SLC13A5: variants seen among roughly 807,000 people sequenced by gnomAD.
SLC13A5 encodes solute carrier family 13 member 5, also known as Na(+)/citrate cotransporter.
A neutral mutation model predicts 56.5 loss-of-function variants in SLC13A5; 25 were observed. That is an observed-to-expected ratio of 0.44 (90% confidence interval 0.32 to 0.62). The LOEUF (loss-of-function observed/expected upper bound fraction) is 0.62. SLC13A5 is among the 20% of genes least tolerant of loss of function. SLC13A5 has a pLI of 0.04. For synonymous variants in SLC13A5, 307 were observed against 301.5 expected (o/e 1.02, Z -0.19); for missense variants, 649 against 737.8 (o/e 0.88, Z 1.39).
rs1973199186 is a variant in SLC13A5, at chr17:6,684,929, C to T, written c.*1278G>A. On this transcript the variant is annotated 3_prime_UTR_variant, in exon 12 of 12. Transcript: ENST00000433363. The stretch of plus-strand genomic sequence containing the variant: ...CAGCACAAGAAGGAAATAAAATGGA[C>T]TTGCGGGGGAAAGAAGATGCTTGTC... The T allele has an allele frequency of 6.6e-6, 1 of 152,176 alleles. No individual in the cohort carries two copies. The highest frequency in any genetic ancestry group is 6.5e-5 in the Admixed American group (1 of 15,268). 9.4% of individuals were successfully genotyped at this position (152,176 alleles called of 1,614,324 possible). A position where few individuals can be genotyped will look rare whatever the true frequency, so the allele number is the denominator to read the frequency against.
rs1973430361 is a variant in SLC13A5 at position 6,692,226 on chromosome 17, T to A, written c.1275+818A>T. Among the ~76,000 whole-genome samples the A allele has an allele frequency of 6.9e-6, 1 of 145,264 alleles. No individual in the cohort carries two copies. Among genetic ancestry groups the A allele is most frequent in the African/African-American group, 2.6e-5 (1 of 37,990 alleles). On this transcript the variant is annotated intron_variant, in intron 9 of 11. Coordinates refer to ENST00000433363, the MANE Select transcript of SLC13A5 (RefSeq NM_177550.5). The surrounding 1 kb of genome is among the most constrained non-coding windows in gnomAD (Gnocchi z 5.5). Reference sequence around the variant, plus strand: ...GTGGATAGATAGATGGGTGGATGGATGGACAGATGGATGGATGGATGGATG... The same window carrying A: ...GTGGATAGATAGATGGGTGGATGGAAGGACAGATGGATGGATGGATGGATG...
Position 6,703,026 on chromosome 17 carries a change from G to GC in SLC13A5, c.659dup (p.Thr221HisfsTer23). On this transcript the variant is annotated frameshift_variant, in exon 5 of 12. Coordinates refer to ENST00000433363, the MANE Select transcript of SLC13A5 (RefSeq NM_177550.5). LOFTEE classifies it high-confidence loss of function. ...GTCCCGTCCCGGTCAGGGTGGCGGT[G>GC]CCCCCGATGCTGGCCGCGTAGCAGA... 1 of 1,614,184 alleles carries GC rather than the reference G, an allele frequency of 6.2e-7. No individual in the cohort carries two copies. The highest frequency in any genetic ancestry group is 8.5e-7 in the Non-Finnish European group (1 of 1,180,034).
rs899691388 is a variant in SLC13A5, at chr17:6,711,125, A to G, written c.102+2107T>C. ...CGTGCCCTGGGAGTCACCTCCTGGCAAGGACTGTGTTGCTCAGGCTGCCAA... is the reference window on the plus strand; with the variant it reads ...CGTGCCCTGGGAGTCACCTCCTGGCGAGGACTGTGTTGCTCAGGCTGCCAA... On this transcript the variant is annotated intron_variant, in intron 1 of 11. Coordinates refer to ENST00000433363, the MANE Select transcript of SLC13A5 (RefSeq NM_177550.5). The surrounding 1 kb of genome is among the most constrained non-coding windows in gnomAD (Gnocchi z 4.0). Among the ~76,000 whole-genome samples, 5 of 152,022 alleles carry G rather than the reference A, an allele frequency of 3.3e-5. No homozygotes were observed. Among genetic ancestry groups the G allele is most frequent in the Admixed American group, 2.6e-4 (4 of 15,262 alleles).
intron 4 of SLC13A5, among the ~76,000 whole-genome samples, chr17:6,703,348 C>T (rs765506117): frequency 2.0e-5 from 3 of 152,232 alleles, no homozygotes; most frequent in Non-Finnish European, 4.4e-5. Flanking sequence ...GCAATCAGGC[C>T]GTCAGCCACA....
intron 1 of SLC13A5, among the ~76,000 whole-genome samples, chr17:6,712,921 G>C (rs765043722): frequency 6.6e-5 from 10 of 152,242 alleles, no homozygotes; most frequent in African/African-American, 1.4e-4. Flanking sequence ...GGAGCCAGGG[G>C]CTGAGCCTAA....
At position 6,701,297 on chromosome 17, in the gene SLC13A5, G is replaced by A. The variant is rs957089348; in HGVS notation, c.717-171C>T. On this transcript the variant is annotated intron_variant, in intron 5 of 11. Coordinates refer to ENST00000433363, the MANE Select transcript of SLC13A5 (RefSeq NM_177550.5). The surrounding 1 kb of genome is among the most constrained non-coding windows in gnomAD (Gnocchi z 4.1). ...TTGCCAAGCATTGTCCCCTAATCGA[G>A]TGGGAGCCTCAGAACATGGCCACAG... Among the ~76,000 whole-genome samples, 7 of 152,210 alleles carry A rather than the reference G, an allele frequency of 4.6e-5. No homozygotes were observed. The highest frequency in any genetic ancestry group is 1.4e-4 in the African/African-American group (6 of 41,450).
intron 11 of SLC13A5, chr17:6,686,649 C>T (rs1313028274): frequency 2.1e-5 from 7 of 327,538 alleles, no homozygotes; most frequent in East Asian, 6.3e-5. Context: ...CCCAGTGTTC[C>T]GTGAGTCCAG....
At chr17:6,686,488 T>G in intron 11 of SLC13A5, 150 bp from the exon 12 acceptor site, 1 of 889,792 alleles carries the variant, frequency 1.1e-6, no homozygotes, top group Non-Finnish European at 1.7e-6. Flanking sequence ...ACAGTGCGAC[T>G]TCATGTCCCC....
Position 6,686,080 on chromosome 17 carries a change from T to C in SLC13A5, c.*127A>G, listed in dbSNP as rs903539285. ...GGAAGAGGTGGCCCATTGGCTGGGTTTTGGTGGTGTGTGGACATCGTTGGG... is the reference window on the plus strand; with the variant it reads ...GGAAGAGGTGGCCCATTGGCTGGGTCTTGGTGGTGTGTGGACATCGTTGGG... On this transcript the variant is annotated 3_prime_UTR_variant, in exon 12 of 12. Coordinates refer to ENST00000433363, the MANE Select transcript of SLC13A5 (RefSeq NM_177550.5). The C allele has an allele frequency of 3.7e-5, 50 of 1,361,918 alleles. No homozygotes were observed. In the African/African-American group the frequency reaches 7.1e-4, roughly 19 times the overall value. The allele number at this position is 1,361,918 out of a possible 1,614,324, so 84.4% of individuals were successfully genotyped here.
intron 10 of SLC13A5, chr17:6,690,061 C>CAAAAAAAAAAAAAAAAAAAAAAAAAAAA (rs71157211): frequency 1.2e-4 from 4 of 33,422 alleles, no homozygotes; most frequent in African/African-American, 1.7e-4. Flanking sequence ...GAAGGAAATG[C>CAAAAAAAAAAAAAAAAAAAAAAAAAAAA]AAAAAAAAAA....
At chr17:6,694,398 C>T (rs1486077873) in intron 7 of SLC13A5, among the ~76,000 whole-genome samples, 1 of 152,138 alleles carries the variant, frequency 6.6e-6, no homozygotes, top group Non-Finnish European at 1.5e-5. Flanking sequence ...GCGGGCGGAT[C>T]ACGAGGTCAG....
intron 4 of SLC13A5, among the ~76,000 whole-genome samples, chr17:6,703,515 G>C (rs962094868): frequency 1.3e-4 from 20 of 152,198 alleles, no homozygotes; most frequent in African/African-American, 3.6e-4. Flanking sequence ...GGAAGGATTT[G>C]AGCTGCTCGA....
Position 6,693,178 on chromosome 17 carries a change from AACACACACACACACACAC to A in SLC13A5, c.1157-34_1157-17del, listed in dbSNP as rs200900896. 4.3e-3 allele frequency: 2,990 copies of A among 697,588 alleles called. 17 individuals carry two copies. Among genetic ancestry groups the A allele is most frequent in the African/African-American group, 0.017 (832 of 48,988 alleles). The allele number at this position is 697,588 out of a possible 1,614,324, so 43.2% of individuals were successfully genotyped here. On this transcript the variant is annotated splice_polypyrimidine_tract_variant and intron_variant, in intron 8 of 11. Coordinates refer to ENST00000433363, the MANE Select transcript of SLC13A5 (RefSeq NM_177550.5). Reference sequence around the variant, plus strand: ...GTTTTCCTTTCTGGGAAGAAAAAGAAACACACACACACACACACACACACACACACACACACACACACA... The same window carrying A: ...GTTTTCCTTTCTGGGAAGAAAAAGAAACACACACACACACACACACACACA...
At position 6,701,126 on chromosome 17, in the gene SLC13A5, C is replaced by G; in HGVS notation, c.717G>C (p.Glu239Asp). 1 of 1,613,932 alleles carries G rather than the reference C, an allele frequency of 6.2e-7. No individual in the cohort carries two copies. Among genetic ancestry groups the G allele is most frequent in the Middle Eastern group, 1.7e-4 (1 of 6,012 alleles). ...CGAGGTCCTTGCTGTCAGGAAACAA[C>G]CTACAAGAAGACACCGGCCCCCACC... Reference protein sequence around the residue: ...PNVVLLGQMNELFPDSKDLVN... With the variant: ...PNVVLLGQMNDLFPDSKDLVN... Residue 239 changes from glutamate to aspartate, a missense_variant and splice_region_variant, in exon 6 of 12, where the codon GAG (glutamate) becomes GAC (aspartate). Physicochemically the swap from Glu to Asp is conservative, Grantham distance 45. Transcript: ENST00000433363. The surrounding 1 kb of genome is among the most constrained non-coding windows in gnomAD (Gnocchi z 4.1).
At position 6,713,114 on chromosome 17, in the gene SLC13A5, G is replaced by T; in HGVS notation, c.102+118C>A. 4 of 1,021,718 alleles carry T rather than the reference G, an allele frequency of 3.9e-6. No individual in the cohort carries two copies. Among genetic ancestry groups the T allele is most frequent in the South Asian group, 1.5e-5 (1 of 68,848 alleles). 63.3% of individuals were successfully genotyped at this position (1,021,718 alleles called of 1,614,324 possible). ...TGGAGCTCCTGAGTGCGCGCGCCCC[G>T]GGAGAGCTGTGCTCCCCGCGAAATC... On this transcript the variant is annotated intron_variant, in intron 1 of 11. Coordinates refer to ENST00000433363, the MANE Select transcript of SLC13A5 (RefSeq NM_177550.5). The surrounding 1 kb of genome is among the most constrained non-coding windows in gnomAD (Gnocchi z 7.3).
In SLC13A5 at chr17:6,695,875, C is replaced by T. The variant is rs1334051824; in HGVS notation, c.906G>A (p.Leu302=). 6.2e-6 allele frequency: 10 copies of T among 1,614,024 alleles called. No individual in the cohort carries two copies. The highest frequency in any genetic ancestry group is 8.5e-6 in the Non-Finnish European group (10 of 1,180,040). Residue 302 remains leucine (L), a synonymous_variant, in exon 7 of 12, where the codon CTG becomes CTA. Transcript: ENST00000433363. The part of the protein sequence containing the change: ...KKNEKAALKV[L]QEEYRKLGPL... ...GCCCCAGCTTCCGGTACTCCTCCTG[C>T]AGCACCTTGAGGGCAGCCTTCTCGT...
At chr17:6,705,180 G>C (rs1486903486) in intron 3 of SLC13A5, 1 of 152,030 alleles carries the variant, frequency 6.6e-6, no homozygotes, top group Non-Finnish European at 1.5e-5. Context: ...AAAAAACAAA[G>C]CCCGGGACCC....
chr17:6,693,404 A>G (rs1973471124), intron 8 of SLC13A5: 1 of 370,014 alleles, frequency 2.7e-6, no homozygotes, highest in East Asian at 4.7e-5. Flanking sequence ...GTAAATTGGT[A>G]TGACCTTTTT....
Position 6,687,767 on chromosome 17 carries a change from C to A in SLC13A5, c.1438-101G>T, listed in dbSNP as rs936968456. 2 of 1,379,854 alleles carry A rather than the reference C, an allele frequency of 1.4e-6. No homozygotes were observed. 85.5% of individuals were successfully genotyped at this position (1,379,854 alleles called of 1,614,324 possible). ...TCTGAATGTGCCGGGTACGTTTGAACCTCTGTGCCTCAGTCTTGGTTCCTC... is the reference window on the plus strand; with the variant it reads ...TCTGAATGTGCCGGGTACGTTTGAAACTCTGTGCCTCAGTCTTGGTTCCTC... On this transcript the variant is annotated intron_variant, in intron 10 of 11. Transcript: ENST00000433363. This position sits in a 1 kb window ranked among gnomAD's most constrained non-coding sequence, Gnocchi z 5.0.
Sources: gnomAD v4.1 joint callset for allele counts (sites outside exome capture counted in the v4.1 genomes callset) on GRCh38, gnomAD v4.1.1 for gene constraint, Gnocchi (gnomAD v3.1) non-coding constraint, MANE v1.5 for transcripts, NCBI Gene and HGNC (gene_info 2026-07-23, HGNC 2026-07-21) for gene names.